The following SH3BP5 variants were observed in gnomAD, a reference collection of about 807,000 sequenced individuals.
The protein encoded by SH3BP5 is SH3 domain binding protein 5, also known as SH3 domain-binding protein 5.
SH3BP5 carries 22 observed loss-of-function variants against 43.3 expected under a neutral mutation model. That is an observed-to-expected ratio of 0.51 (90% CI 0.36 to 0.73). The LOEUF is 0.73. Among genes scored for constraint, SH3BP5 ranks in the 30% least tolerant of loss-of-function variants. SH3BP5 has a pLI of 0.00. For synonymous variants in SH3BP5, 255 were observed against 225.8 expected, an observed-to-expected ratio of 1.13 and a Z score of -1.16; for missense variants, 529 against 586.9, an observed-to-expected ratio of 0.90 and a Z score of 1.02.
At chr3:15,262,800 A>G (rs1279266684) in intron 4 of SH3BP5, among the ~76,000 whole-genome samples, 2 of 152,118 alleles carry the variant, frequency 1.3e-5, no homozygotes, top group South Asian at 2.1e-4. Context: ...TCTACTAAAA[A>G]TATAAACATT....
At chr3:15,303,178 C>T (rs1380243274) in intron 3 of SH3BP5, among the ~76,000 whole-genome samples, 1 of 152,200 alleles carries the variant, frequency 6.6e-6, no homozygotes. Context: ...GTCATAAACA[C>T]ACCACAGGGA....
At position 15,256,883 on chromosome 3, in the gene SH3BP5, C is replaced by A. The variant is rs1696224182; in HGVS notation, c.1120G>T (p.Ala374Ser). 1.2e-6 allele frequency: 2 copies of A among 1,612,756 alleles called. No individual in the cohort carries two copies. The highest frequency in any genetic ancestry group is 4.5e-5 in the East Asian group (2 of 44,856). The change falls in exon 8 of 9, where the codon GCC becomes TCC. Residue 374 changes from alanine to serine, a missense_variant. By Grantham distance (99) the Ala-to-Ser change is moderately conservative. Transcript: ENST00000383791. Reference sequence around the variant, plus strand: ...TCTACTTCACATTCAGGGGAGGAGGCCCCGCTGCATTCACTTCGAGGGCCC... The same window carrying A: ...TCTACTTCACATTCAGGGGAGGAGGACCCGCTGCATTCACTTCGAGGGCCC... ...VLGPRSECSG[A>S]SSPECEVERG...
intron 2 of SH3BP5, among the ~76,000 whole-genome samples, chr3:15,328,617 G>A (rs1414074982): frequency 6.6e-6 from 1 of 152,122 alleles, no homozygotes; most frequent in African/African-American, 2.4e-5. Flanking sequence ...GCATGCACCT[G>A]TAGTCTCAGC....
intron 2 of SH3BP5, among the ~76,000 whole-genome samples, chr3:15,325,355 C>T (rs1032194410): frequency 2.6e-5 from 4 of 152,244 alleles, no homozygotes; most frequent in African/African-American, 9.6e-5. Context: ...ATCCATTACT[C>T]GCCCATGCCT....
At chr3:15,257,737 CAT>C (rs1419396106) in intron 7 of SH3BP5, 3 of 152,294 alleles carry the variant, frequency 2.0e-5, no homozygotes, top group African/African-American at 7.2e-5. Flanking sequence ...GGCCCAGACA[CAT>C]GTTATTCCCA....
chr3:15,282,063 C>G (rs560473979), intron 3 of SH3BP5, among the ~76,000 whole-genome samples: 7 of 152,206 alleles, frequency 4.6e-5, no homozygotes, highest in African/African-American at 1.7e-4. Flanking sequence ...ATTGATTTGA[C>G]CAGGACAATT....
At chr3:15,297,316 C>T (rs901495636) in intron 3 of SH3BP5, among the ~76,000 whole-genome samples, 4 of 152,168 alleles carry the variant, frequency 2.6e-5, no homozygotes, top group Admixed American at 2.6e-4. Context: ...TTCCACCTGG[C>T]ACAATCTCTC....
chr3:15,272,558 G>GAGATTTGATGATACCTCAGATCAA, intron 3 of SH3BP5, among the ~76,000 whole-genome samples: 1 of 100,970 alleles, frequency 9.9e-6, no homozygotes, highest in African/African-American at 5.1e-5. Flanking sequence ...GTGCCTGTAG[G>GAGATTTGATGATACCTCAGATCAA]ATAAAGACAT....
chr3:15,303,505 C>T (rs1035243300), intron 3 of SH3BP5, among the ~76,000 whole-genome samples: 7 of 152,098 alleles, frequency 4.6e-5, no homozygotes, highest in African/African-American at 1.7e-4. Context: ...AACCAGAACC[C>T]ATTTCCACGC....
intron 4 of SH3BP5, among the ~76,000 whole-genome samples, chr3:15,265,195 CT>C (rs1163993484): frequency 2.0e-5 from 3 of 152,266 alleles, no homozygotes; most frequent in Admixed American, 2.0e-4. Flanking sequence ...CTGTCCCTAT[CT>C]CCCCACTTCT....
intron 1 of SH3BP5, among the ~76,000 whole-genome samples, chr3:15,339,026 A>G (rs1338045975): frequency 5.9e-5 from 9 of 152,182 alleles, no homozygotes; most frequent in Non-Finnish European, 1.0e-4. Context: ...ATCATGGCAC[A>G]TAGCAAGGTG....
chr3:15,325,144 T>C (rs1356329389), intron 2 of SH3BP5, among the ~76,000 whole-genome samples: 1 of 152,254 alleles, frequency 6.6e-6, no homozygotes, highest in Admixed American at 6.5e-5. Flanking sequence ...AACATGGGCA[T>C]AAAATATTAC....
At chr3:15,338,893 G>A (rs1698732313) in intron 1 of SH3BP5, among the ~76,000 whole-genome samples, 1 of 152,096 alleles carries the variant, frequency 6.6e-6, no homozygotes, top group Non-Finnish European at 1.5e-5. Context: ...ACTTACACCT[G>A]GCAGGCCACA....
rs566188510 is a variant in SH3BP5, at chr3:15,319,050, C to T, written c.201+11454G>A. On this transcript the variant is annotated intron_variant, in intron 2 of 8. Transcript: ENST00000383791. Reference sequence around the variant, plus strand: ...AAACAGCACATCTATCTGGAATAGCCCAAGGGGCTTTAGAACCCTACCACC... The same window carrying T: ...AAACAGCACATCTATCTGGAATAGCTCAAGGGGCTTTAGAACCCTACCACC... 7.2e-5 allele frequency among the ~76,000 whole-genome samples: 11 copies of T among 152,322 alleles called. No individual in the cohort carries two copies. The South Asian group carries it at 2.3e-3, about 32-fold the overall frequency.
chr3:15,340,167 T>C (rs1245383330), intron 1 of SH3BP5, among the ~76,000 whole-genome samples: 1 of 151,886 alleles, frequency 6.6e-6, no homozygotes, highest in African/African-American at 2.4e-5. Flanking sequence ...CAAAGATAAA[T>C]GGTACAGGAA....
At chr3:15,320,640 A>ACACACACGCT (rs373879792) in intron 2 of SH3BP5, among the ~76,000 whole-genome samples, 2,642 of 149,654 alleles carry the variant, frequency 0.018, 78 homozygotes, top group African/African-American at 0.061. Context: ...ACACACACAC[A>ACACACACGCT]CCCCACTACG....
intron 5 of SH3BP5, among the ~76,000 whole-genome samples, chr3:15,260,776 G>C (rs539651633): frequency 6.6e-6 from 1 of 152,276 alleles, no homozygotes; most frequent in Non-Finnish European, 1.5e-5. Context: ...CATGGAGGTG[G>C]CCTGGAAGCC....
intron 2 of SH3BP5, among the ~76,000 whole-genome samples, chr3:15,321,812 CAAA>C (rs35283423): frequency 2.3e-5 from 3 of 132,206 alleles, no homozygotes; most frequent in Non-Finnish European, 1.6e-5. Flanking sequence ...ATCAAATTGC[CAAA>C]AAAAAAAAAA....
chr3:15,265,775 T>G (rs545909280), intron 4 of SH3BP5, among the ~76,000 whole-genome samples: 1 of 151,934 alleles, frequency 6.6e-6, no homozygotes, highest in East Asian at 1.9e-4. Context: ...TGTGGCAAAC[T>G]GCACCCCATA....
Sources: allele counts gnomAD v4.1 joint callset (sites outside exome capture counted in the v4.1 genomes callset), GRCh38; gene constraint gnomAD v4.1.1; transcripts MANE v1.5; gene names NCBI Gene and HGNC (gene_info 2026-07-23, HGNC 2026-07-21).